CDH13: variants seen among roughly 807,000 people sequenced by gnomAD.
CDH13 encodes cadherin 13, also known as cadherin-13.
CDH13 carries 24 observed loss-of-function variants against 63.8 expected under a neutral mutation model. That is an observed-to-expected ratio of 0.38 (90% confidence interval 0.27 to 0.53). CDH13 has a LOEUF of 0.53. Among genes scored for constraint, CDH13 ranks in the 20% least tolerant of loss-of-function variants. The pLI is 0.85. For synonymous variants in CDH13, 503 were observed against 355.3 expected (o/e 1.42, Z -4.67); for missense variants, 1,049 against 903.1 (o/e 1.16, Z -2.07).
intron 4 of CDH13, among the ~76,000 whole-genome samples, chr16:83,170,764 G>A (rs1017757849): frequency 6.6e-6 from 1 of 152,078 alleles, no homozygotes; most frequent in African/African-American, 2.4e-5. Context: ...ACATTATCTG[G>A]TAACAGTGTG....
intron 1 of CDH13, among the ~76,000 whole-genome samples, chr16:82,820,139 T>A (rs1311062898): frequency 6.6e-6 from 1 of 152,042 alleles, no homozygotes; most frequent in Non-Finnish European, 1.5e-5. Flanking sequence ...ATCTGCAATG[T>A]GGGGAAGTGG....
chr16:83,000,870 C>T (rs3892449), intron 2 of CDH13, among the ~76,000 whole-genome samples: 1 of 152,188 alleles, frequency 6.6e-6, no homozygotes, highest in Non-Finnish European at 1.5e-5. Context: ...TGAGCCACCG[C>T]GCCTGGCCAT....
At chr16:82,726,272 T>G (rs1391298165) in intron 1 of CDH13, among the ~76,000 whole-genome samples, 1 of 152,150 alleles carries the variant, frequency 6.6e-6, no homozygotes, top group Non-Finnish European at 1.5e-5. Flanking sequence ...TATTTTAGCC[T>G]TGGCAAGCTA....
At chr16:83,229,298 A>C (rs115783489) in intron 5 of CDH13, among the ~76,000 whole-genome samples, 169 of 152,338 alleles carry the variant, frequency 1.1e-3, no homozygotes, top group African/African-American at 3.9e-3. Flanking sequence ...AAAAGAGATC[A>C]AAGAGAAAAC....
At position 83,448,502 on chromosome 16, in the gene CDH13, C is replaced by T. The variant is rs999617779; in HGVS notation, c.782-37975C>T. Among the ~76,000 whole-genome samples, 2 of 152,120 alleles carry T rather than the reference C, an allele frequency of 1.3e-5. 1 individual carries two copies. Among genetic ancestry groups the T allele is most frequent in the Non-Finnish European group, 2.9e-5 (2 of 68,020 alleles). On this transcript the variant is annotated intron_variant, in intron 6 of 13. Transcript: ENST00000567109. ...CTCAGTGTCTCTGAGCTTCATGTCA[C>T]TGTTGTGTAAAAGCAGCACTATGAT... is the stretch of plus-strand genomic sequence containing the variant.
chr16:83,707,593 C>A (rs535213703), intron 10 of CDH13, among the ~76,000 whole-genome samples: 1 of 151,962 alleles, frequency 6.6e-6, no homozygotes, highest in Non-Finnish European at 1.5e-5. Context: ...AATTGCTGAT[C>A]CCCTGTTCTA....
chr16:82,921,945 C>T (rs1043089840), intron 2 of CDH13, among the ~76,000 whole-genome samples: 4 of 151,994 alleles, frequency 2.6e-5, no homozygotes, highest in African/African-American at 9.7e-5. Flanking sequence ...TTGTTTTTAA[C>T]TGTTTTCTGC....
chr16:83,447,690 G>C (rs1178060406), intron 6 of CDH13, among the ~76,000 whole-genome samples: 1 of 151,794 alleles, frequency 6.6e-6, no homozygotes, highest in African/African-American at 2.4e-5. Flanking sequence ...AAGGGTAATG[G>C]AGGCTGGAAT....
chr16:83,263,702 C>A (rs1461070186), intron 5 of CDH13, among the ~76,000 whole-genome samples: 2 of 152,194 alleles, frequency 1.3e-5, no homozygotes, highest in African/African-American at 2.4e-5. Context: ...TTCTGTCATC[C>A]AGGTTCTCAA....
At chr16:83,431,923 T>G (rs2072123261) in intron 6 of CDH13, among the ~76,000 whole-genome samples, 1 of 152,198 alleles carries the variant, frequency 6.6e-6, no homozygotes, top group South Asian at 2.1e-4. Flanking sequence ...ATTTTTGCAG[T>G]GATACATACG....
chr16:83,052,776 CAAAAAAAA>C (rs71148805), intron 3 of CDH13, among the ~76,000 whole-genome samples: 10 of 92,878 alleles, frequency 1.1e-4, no homozygotes, highest in South Asian at 3.5e-4. Context: ...GACTTTATCT[CAAAAAAAA>C]AAAAAAAAAA....
chr16:83,548,173 G>T (rs1452990071), intron 7 of CDH13, among the ~76,000 whole-genome samples: 1 of 152,126 alleles, frequency 6.6e-6, no homozygotes, highest in East Asian at 1.9e-4. Flanking sequence ...GGGGGTGCCA[G>T]GGTGGGGAGA....
intron 1 of CDH13, among the ~76,000 whole-genome samples, chr16:82,782,596 G>A (rs751205123): frequency 3.3e-5 from 5 of 151,770 alleles, no homozygotes; most frequent in Admixed American, 1.3e-4. Flanking sequence ...GCATGAACAA[G>A]TGCATAATAG....
intron 10 of CDH13, among the ~76,000 whole-genome samples, chr16:83,695,740 C>G (rs747569323): frequency 6.6e-6 from 1 of 152,100 alleles, no homozygotes; most frequent in Non-Finnish European, 1.5e-5. Flanking sequence ...AATAGAAAGT[C>G]TAGAAATCTG....
intron 6 of CDH13, among the ~76,000 whole-genome samples, chr16:83,420,597 C>T (rs1443984471): frequency 2.0e-5 from 3 of 152,136 alleles, no homozygotes; most frequent in African/African-American, 4.8e-5. Context: ...CATTGTATTA[C>T]GGTTCTGCAG....
intron 2 of CDH13, among the ~76,000 whole-genome samples, chr16:82,936,637 C>G (rs60623910): frequency 0.07 from 10,602 of 152,242 alleles, 726 homozygotes; most frequent in East Asian, 0.34. Context: ...GCATTTCTAA[C>G]TAGTCCCCCG....
intron 1 of CDH13, among the ~76,000 whole-genome samples, chr16:82,830,404 C>T (rs887088643): frequency 1.3e-5 from 2 of 152,170 alleles, no homozygotes; most frequent in Non-Finnish European, 2.9e-5. Context: ...TCATCATGGT[C>T]CCCATGGGCA....
At position 83,171,924 on chromosome 16, in the gene CDH13, T is replaced by C. The variant is rs1418435427; in HGVS notation, c.484-45421T>C. Among the ~76,000 whole-genome samples, 3 of 152,176 alleles carry C rather than the reference T, an allele frequency of 2.0e-5. 1 individual carries two copies. The East Asian group carries it at 5.8e-4, about 29-fold the overall frequency. On this transcript the variant is annotated intron_variant, in intron 4 of 13. Transcript: ENST00000567109. ...TCCCTCTGCACTCTGTTATTTAAGA[T>C]TTATTGTCATCCTGCATGGTGAGAT...
intron 2 of CDH13, among the ~76,000 whole-genome samples, chr16:82,941,521 T>C (rs7201133): frequency 0.32 from 48,202 of 151,940 alleles, 8,977 homozygotes; most frequent in African/African-American, 0.51. Context: ...CCCTTCCCTT[T>C]CCTTTGTGCG....
Sources: allele counts gnomAD v4.1 joint callset (sites outside exome capture counted in the v4.1 genomes callset), GRCh38; gene constraint gnomAD v4.1.1; transcripts MANE v1.5; gene names NCBI Gene and HGNC (gene_info 2026-07-23, HGNC 2026-07-21).